Variants in SLC4A10 observed in about 807,000 individuals in gnomAD.
The protein encoded by SLC4A10 is solute carrier family 4 member 10, also known as sodium-driven chloride bicarbonate exchanger.
Under a neutral mutation model 137.7 loss-of-function variants are expected in SLC4A10, and 42 were observed. The observed-to-expected ratio is 0.30, with a 90% CI of 0.24 to 0.39. The LOEUF (loss-of-function observed/expected upper bound fraction) is 0.39, where lower values mean the gene tolerates loss of function less well. SLC4A10 is among the 10% of genes least tolerant of loss of function. The probability of loss-of-function intolerance (pLI) is 1.00; values close to 1 mark genes in which losing one functional copy is unlikely to be tolerated. For missense variants in SLC4A10, 925 were observed against 1,355.0 expected, an observed-to-expected ratio of 0.68 and a Z score of 4.98; for synonymous variants, 474 against 464.1, an observed-to-expected ratio of 1.02 and a Z score of -0.27.
At chr2:161,700,413 G>A (rs966782914) in intron 1 of SLC4A10, among the ~76,000 whole-genome samples, 10 of 152,186 alleles carry the variant, frequency 6.6e-5, no homozygotes, top group African/African-American at 2.2e-4. Context: ...AATGAGAATA[G>A]AGAAATGGCC....
Position 161,912,493 on chromosome 2 carries a change from G to A in SLC4A10, c.1997+6606G>A, listed in dbSNP as rs192268091. On this transcript the variant is annotated intron_variant, in intron 15 of 26. Coordinates refer to ENST00000446997, the MANE Select transcript of SLC4A10 (RefSeq NM_001178015.2). ...TCTGAAATATTTTAAGTGGAATATA[G>A]TAATGTTTTAACTTATATTAAAATA... 4.6e-5 allele frequency among the ~76,000 whole-genome samples: 7 copies of A among 152,214 alleles called. No homozygotes were observed. The East Asian group carries it at 1.4e-3, about 29-fold the overall frequency.
At chr2:161,693,209 T>G (rs2124936920) in intron 1 of SLC4A10, among the ~76,000 whole-genome samples, 1 of 152,212 alleles carries the variant, frequency 6.6e-6, no homozygotes. Context: ...ATCTTGGTTG[T>G]TTGCTGGCAG....
At chr2:161,978,195 G>A (rs970673079) in intron 26 of SLC4A10, among the ~76,000 whole-genome samples, 1 of 151,758 alleles carries the variant, frequency 6.6e-6, no homozygotes, top group South Asian at 2.1e-4. Flanking sequence ...GACAAGCTTC[G>A]TCAACATGGT....
chr2:161,917,941 GA>G (rs1165913508), intron 15 of SLC4A10, among the ~76,000 whole-genome samples: 1 of 152,164 alleles, frequency 6.6e-6, no homozygotes, highest in Non-Finnish European at 1.5e-5. Flanking sequence ...CTGAGACTCA[GA>G]AAGCTTTATT....
chr2:161,697,604 T>A (rs1273784013), intron 1 of SLC4A10, among the ~76,000 whole-genome samples: 2 of 152,248 alleles, frequency 1.3e-5, no homozygotes, highest in Non-Finnish European at 2.9e-5. Context: ...TTGTCAAAGA[T>A]CAGATGGCTG....
intron 1 of SLC4A10, among the ~76,000 whole-genome samples, chr2:161,697,377 G>A (rs1288120048): frequency 1.3e-5 from 2 of 152,084 alleles, no homozygotes; most frequent in Non-Finnish European, 2.9e-5. Flanking sequence ...TGAAGTCCTT[G>A]CCCATGCCTA....
intron 4 of SLC4A10, among the ~76,000 whole-genome samples, chr2:161,845,038 A>T (rs1477204466): frequency 6.6e-6 from 1 of 152,132 alleles, no homozygotes; most frequent in Non-Finnish European, 1.5e-5. Flanking sequence ...AACAAATGTC[A>T]GCAGAGTTTA....
At chr2:161,750,855 T>C (rs1414212569) in intron 1 of SLC4A10, among the ~76,000 whole-genome samples, 1 of 151,806 alleles carries the variant, frequency 6.6e-6, no homozygotes, top group African/African-American at 2.4e-5. Flanking sequence ...GTTTCTTCTT[T>C]CAGACATGTT....
rs560681849 is a variant in SLC4A10, at chr2:161,805,722, C to T, written c.277+1127C>T. 2.6e-5 allele frequency among the ~76,000 whole-genome samples: 4 copies of T among 152,316 alleles called. No individual in the cohort carries two copies. The East Asian group carries it at 7.7e-4, about 29-fold the overall frequency. ...TCTCATGGTCTTGGGCAGCTCTGCC[C>T]TCGTGGCTTTGCAGGATATAGCCCA... On this transcript the variant is annotated intron_variant, in intron 3 of 26. Coordinates refer to ENST00000446997, the MANE Select transcript of SLC4A10 (RefSeq NM_001178015.2).
At chr2:161,916,378 C>T (rs184183455) in intron 15 of SLC4A10, among the ~76,000 whole-genome samples, 7 of 152,240 alleles carry the variant, frequency 4.6e-5, no homozygotes, top group Admixed American at 1.3e-4. Flanking sequence ...AATACAAACA[C>T]TTATCTTCAC....
chr2:161,628,003 AC>A (rs2032784803), intron 1 of SLC4A10, among the ~76,000 whole-genome samples: 1 of 152,100 alleles, frequency 6.6e-6, no homozygotes, highest in African/African-American at 2.4e-5. Context: ...AATTGTTATA[AC>A]CTTTTTGATA....
rs528933013 is a variant in SLC4A10, at chr2:161,627,559, T to C, written c.48+2993T>C. ...CTCATTAAGCCTCCCAGGGTTTACC[T>C]CCATTTAGTATAGTATATATAAAGT... is the stretch of plus-strand genomic sequence containing the variant. On this transcript the variant is annotated intron_variant, in intron 1 of 26. Transcript: ENST00000446997. Among the ~76,000 whole-genome samples, 9 of 152,252 alleles carry C rather than the reference T, an allele frequency of 5.9e-5. No homozygotes were observed. The East Asian group carries it at 1.7e-3, about 29-fold the overall frequency.
intron 1 of SLC4A10, among the ~76,000 whole-genome samples, chr2:161,698,383 C>A (rs553594071): frequency 1.0e-3 from 154 of 152,264 alleles, no homozygotes; most frequent in Non-Finnish European, 1.9e-3. Flanking sequence ...CTGTCTTGTG[C>A]CAGTTTTCAA....
At chr2:161,977,215 A>AT (rs1699518863) in intron 25 of SLC4A10, 1 of 288,708 alleles carries the variant, frequency 3.5e-6, no homozygotes, top group South Asian at 4.0e-5. Context: ...GCACTCCTTT[A>AT]TTTTCCCTTT....
chr2:161,642,878 C>T (rs2035508832), intron 1 of SLC4A10, among the ~76,000 whole-genome samples: 1 of 151,932 alleles, frequency 6.6e-6, no homozygotes. Flanking sequence ...GTTTCTTAAA[C>T]TTTTCACTAG....
intron 8 of SLC4A10, 92 bp downstream of exon 8, chr2:161,874,097 T>C (rs2061320603): frequency 7.9e-7 from 1 of 1,260,448 alleles, no homozygotes; most frequent in Admixed American, 2.0e-5. Flanking sequence ...CCAGTTGAAA[T>C]GTATTCCATC....
At chr2:161,809,841 A>C (rs1294596722) in intron 3 of SLC4A10, among the ~76,000 whole-genome samples, 3 of 151,892 alleles carry the variant, frequency 2.0e-5, no homozygotes, top group Admixed American at 6.6e-5. Context: ...TTTTGCTTAG[A>C]ATTGCTTTGG....
chr2:161,657,446 T>A (rs1336150329), intron 1 of SLC4A10, among the ~76,000 whole-genome samples: 3 of 152,062 alleles, frequency 2.0e-5, no homozygotes, highest in South Asian at 4.1e-4. Context: ...ATTTAAGCTA[T>A]TAGTTGAGTA....
rs2059066954 is a variant in SLC4A10, at chr2:161,839,785, T to C, written c.278-4T>C. 2.5e-6 allele frequency: 4 copies of C among 1,613,364 alleles called. No homozygotes were observed. The highest frequency in any genetic ancestry group is 1.7e-5 in the Admixed American group (1 of 59,938). On this transcript the variant is annotated splice_region_variant and splice_polypyrimidine_tract_variant and intron_variant, in intron 3 of 26. Transcript: ENST00000446997. ...CATGGTAATACATGTCTCTGATTTT[T>C]TAGACACCCCATCACAGAGGGTACA...
Sources: gnomAD v4.1 joint callset for allele counts (sites outside exome capture counted in the v4.1 genomes callset) on GRCh38, gnomAD v4.1.1 for gene constraint, MANE v1.5 for transcripts, NCBI Gene and HGNC (gene_info 2026-07-23, HGNC 2026-07-21) for gene names.